The following DNPEP variants were observed in gnomAD, a reference collection of about 807,000 sequenced individuals.
DNPEP encodes the protein aspartyl aminopeptidase.
A neutral mutation model predicts 59.1 loss-of-function variants in DNPEP; 46 were observed. The observed-to-expected ratio is 0.78, with a 90% CI of 0.61 to 0.99. The LOEUF is 0.99. Ranked by LOEUF, DNPEP falls within the 50% of genes least tolerant of loss-of-function variation. The pLI is 0.00. For synonymous variants in DNPEP, 229 were observed against 242.2 expected (o/e 0.95, Z 0.50); for missense variants, 617 against 649.9 (o/e 0.95, Z 0.55).
chr2:219,394,496 C>A (rs1954065569), intron 1 of DNPEP, among the ~76,000 whole-genome samples: 1 of 151,806 alleles, frequency 6.6e-6, no homozygotes, highest in African/African-American at 2.4e-5. Context: ...AGGCTGGCCT[C>A]CAACTTTGAC....
upstream of DNPEP, chr2:219,388,723 A>T (rs894047560): frequency 7.1e-6 from 7 of 985,468 alleles, no homozygotes; most frequent in South Asian, 2.8e-4. Context: ...GGTACGGTAC[A>T]AAGTGCTGTC....
chr2:219,389,890 A>T (rs1402285679), upstream of DNPEP, among the ~76,000 whole-genome samples: 3 of 132,900 alleles, frequency 2.3e-5, no homozygotes, highest in Non-Finnish European at 5.0e-5. Context: ...ACATGGAGAG[A>T]GCATTCTTGT....
exon 1 of DNPEP, chr2:219,400,000 C>T (rs1467118388): frequency 8.3e-7 from 1 of 1,205,442 alleles, no homozygotes; most frequent in Non-Finnish European, 1.2e-6. Context: ...GGATCCTTCC[C>T]CTGCCTTGGG....
chr2:219,383,154 C>G lies in DNPEP; in HGVS notation c.913G>C (p.Val305Leu). 6.2e-7 allele frequency: 1 copy of G among 1,614,200 alleles called. No homozygotes were observed. Among genetic ancestry groups the G allele is most frequent in the Non-Finnish European group, 8.5e-7 (1 of 1,180,024 alleles). The change falls in exon 10 of 15, where the codon GTC becomes CTC. Residue 305 changes from valine (V) to leucine (L), a missense_variant. By Grantham distance (32) the Val-to-Leu change is conservative. Coordinates refer to ENST00000273075, the MANE Select transcript of DNPEP (RefSeq NM_012100.4). ...ACCTCTTCGTTGTCATAGAGTGTGA[C>G]CATGCGCACGTGAGGCTCTGTGGCC... The part of the protein sequence containing the change: ...SLATEPHVRM[V>L]TLYDNEEVGS...
chr2:219,389,832 C>CAATAAATAAATACATA (rs1553601739), upstream of DNPEP, among the ~76,000 whole-genome samples: 1 of 142,938 alleles, frequency 7.0e-6, no homozygotes, highest in East Asian at 2.1e-4. Flanking sequence ...GATTCTGTCT[C>CAATAAATAAATACATA]AATAAATAAA....
chr2:219,385,633 C>G lies in DNPEP; in HGVS notation c.664G>C (p.Val222Leu). ...GTPEPGPLNA[V>L]DERHHSVLMS... is the part of the protein sequence containing the mutation. ...CCATGATCAGGAGACTCTCTTACCA[C>G]AGCATTGAGAGGCCCTGGCTCAGGA... Residue 222 changes from valine (V) to leucine (L), a missense_variant and splice_region_variant, in exon 7 of 15, where the codon GTG becomes CTG. Coordinates refer to ENST00000273075, the MANE Select transcript of DNPEP (RefSeq NM_012100.4). 1 of 1,612,972 alleles carries G rather than the reference C, an allele frequency of 6.2e-7. No homozygotes were observed. Among genetic ancestry groups the G allele is most frequent in the East Asian group, 2.2e-5 (1 of 44,856 alleles).
In DNPEP at chr2:219,385,416, G is replaced by T; in HGVS notation, c.774+8C>A. On this transcript the variant is annotated splice_region_variant and intron_variant, in intron 8 of 14. Transcript: ENST00000273075. ...CTTCACCCACAGGTTCCTACAGCCA[G>T]TCCTCACCGCAGGCTGGGTGTCTGC... 2 of 1,602,844 alleles carry T rather than the reference G, an allele frequency of 1.2e-6. No homozygotes were observed. The highest frequency in any genetic ancestry group is 3.3e-4 in the Middle Eastern group (2 of 6,032).
intron 13 of DNPEP, among the ~76,000 whole-genome samples, chr2:219,377,252 C>T (rs1053672209): frequency 2.7e-5 from 3 of 109,528 alleles, no homozygotes; most frequent in African/African-American, 1.1e-4. Context: ...CCAGCCTGGG[C>T]GACAGAGTGA....
chr2:219,378,919 GTTAT>G (rs572250943), intron 13 of DNPEP, among the ~76,000 whole-genome samples: 13 of 152,024 alleles, frequency 8.6e-5, no homozygotes, highest in African/African-American at 2.9e-4. Flanking sequence ...GCTTTTTATT[GTTAT>G]TTATTTATTT....
chr2:219,374,324 G>C lies in DNPEP; in HGVS notation c.1426C>G (p.Pro476Ala). ...TLFKGFFELF[P>A]SLSHNLLVD ...ACTAAGAGATTATGGCTTAGAGAAGGGAACAGCTCAAAGAAGCCCTATAAT... is the reference window on the plus strand; with the variant it reads ...ACTAAGAGATTATGGCTTAGAGAAGCGAACAGCTCAAAGAAGCCCTATAAT... Residue 476 changes from proline to alanine, a missense_variant, in exon 15 of 15, where the codon CCT becomes GCT. Pro to Ala is a conservative substitution (Grantham distance 27, BLOSUM62 -1). Coordinates refer to ENST00000273075, the MANE Select transcript of DNPEP (RefSeq NM_012100.4). 1 of 1,614,108 alleles carries C rather than the reference G, an allele frequency of 6.2e-7. No homozygotes were observed. Among genetic ancestry groups the C allele is most frequent in the Non-Finnish European group, 8.5e-7 (1 of 1,179,982 alleles).
chr2:219,374,910 G>A lies in DNPEP; in HGVS notation c.1352C>T (p.Ser451Phe), dbSNP rs376806983. Residue 451 changes from serine (S) to phenylalanine (F), a missense_variant, in exon 14 of 15, where the codon TCT becomes TTT. Coordinates refer to ENST00000273075, the MANE Select transcript of DNPEP (RefSeq NM_012100.4). The stretch of plus-strand genomic sequence containing the variant: ...TGTGGTGCAGGCCATCTCCCGGATA[G>A]AGTGCATGGCCAGTTGGGGGCTGCC... ...DLGSPQLAMHSIREMACTTGV... is the reference protein window; with the variant it reads ...DLGSPQLAMHFIREMACTTGV... 1 of 1,614,182 alleles carries A rather than the reference G, an allele frequency of 6.2e-7. No individual in the cohort carries two copies. The highest frequency in any genetic ancestry group is 1.1e-5 in the South Asian group (1 of 91,080).
intron 13 of DNPEP, among the ~76,000 whole-genome samples, chr2:219,376,282 G>A (rs192915095): frequency 6.6e-6 from 1 of 152,084 alleles, no homozygotes; most frequent in Non-Finnish European, 1.5e-5. Flanking sequence ...GATTCCAGGA[G>A]TTCAAGACCA....
At chr2:219,390,557 G>A (rs558189693), upstream of DNPEP, among the ~76,000 whole-genome samples, 19 of 152,314 alleles carry the variant, frequency 1.2e-4, no homozygotes, top group South Asian at 3.9e-3. Context: ...GAAAATGCAA[G>A]TTAAAAATGA....
chr2:219,377,938 A>AT, intron 13 of DNPEP, among the ~76,000 whole-genome samples: 1 of 150,570 alleles, frequency 6.6e-6, no homozygotes, highest in Admixed American at 6.6e-5. Flanking sequence ...TTAAAAAAAC[A>AT]TTAAAAAAAA....
At chr2:219,385,855 G>A (rs969986725) in intron 6 of DNPEP, 113 bp downstream of exon 6, 6 of 1,493,150 alleles carry the variant, frequency 4.0e-6, no homozygotes, top group Non-Finnish European at 5.5e-6. Flanking sequence ...AGGACCCTTA[G>A]AAATTAACTG....
At chr2:219,387,683 G>A in intron 1 of DNPEP, 76 bp downstream of exon 1, 2 of 1,595,434 alleles carry the variant, frequency 1.3e-6, no homozygotes, top group Non-Finnish European at 1.7e-6. Flanking sequence ...GCAGCACCGC[G>A]CTAAGCTTGG....
At chr2:219,390,433 A>C (rs1440779106), upstream of DNPEP, among the ~76,000 whole-genome samples, 1 of 152,236 alleles carries the variant, frequency 6.6e-6, no homozygotes, top group Non-Finnish European at 1.5e-5. Flanking sequence ...CTTATTGACC[A>C]TTTTTGGTTT....
chr2:219,399,808 T>C, intron 1 of DNPEP: 1 of 1,303,068 alleles, frequency 7.7e-7, no homozygotes, highest in Non-Finnish European at 1.0e-6. Flanking sequence ...CATGGAAGGC[T>C]GGTGCCTAGG....
rs751433392 is a variant in DNPEP, at chr2:219,372,821, A to T, written c.*1471T>A. ...ACCTATAATGGACATTTCATAGTGTATTTGGGCTTGCCTTTACTGAGAAAT... is the reference window on the plus strand; with the variant it reads ...ACCTATAATGGACATTTCATAGTGTTTTTGGGCTTGCCTTTACTGAGAAAT... On this transcript the variant is annotated 3_prime_UTR_variant, in exon 15 of 15. Transcript: ENST00000273075. Among the ~76,000 whole-genome samples, 2 of 152,192 alleles carry T rather than the reference A, an allele frequency of 1.3e-5. No individual in the cohort carries two copies. The highest frequency in any genetic ancestry group is 6.5e-5 in the Admixed American group (1 of 15,274).
Sources: gnomAD v4.1 joint callset for allele counts (sites outside exome capture counted in the v4.1 genomes callset) on GRCh38, gnomAD v4.1.1 for gene constraint, MANE v1.5 for transcripts, NCBI Gene and HGNC (gene_info 2026-07-23, HGNC 2026-07-21) for gene names.